Variants in ARHGAP30 observed in about 807,000 individuals in gnomAD.
ARHGAP30 encodes the protein Rho GTPase activating protein 30.
A neutral mutation model predicts 72.0 loss-of-function variants in ARHGAP30; 23 were observed. That is an observed-to-expected ratio of 0.32 (90% confidence interval 0.23 to 0.45). ARHGAP30 has a LOEUF of 0.45. Ranked by LOEUF, ARHGAP30 falls within the 20% of genes least tolerant of loss-of-function variation. ARHGAP30 has a pLI of 1.00. For synonymous variants in ARHGAP30, 576 were observed against 528.2 expected (o/e 1.09, Z -1.24); for missense variants, 1,319 against 1,383.4 (o/e 0.95, Z 0.74).
rs1168418861 is a variant in ARHGAP30 at position 161,064,759 on chromosome 1, G to GAGAA, written c.97+4765_97+4768dup. ...GCAACAGAGTAAGACAAGAAAGAAA[G>GAGAA]AGAAAGAAAGAAAGAAAGAAAAAGA... On this transcript the variant is annotated intron_variant, in intron 1 of 11. Coordinates refer to ENST00000368013, the MANE Select transcript of ARHGAP30 (RefSeq NM_001025598.2). Among the ~76,000 whole-genome samples the GAGAA allele has an allele frequency of 1.2e-4, 14 of 118,390 alleles. No individual in the cohort carries two copies. The South Asian group carries it at 1.3e-3, about 11-fold the overall frequency. 77.7% of individuals were successfully genotyped at this position (118,390 alleles called of 152,430 possible).
In ARHGAP30 at chr1:161,047,896, T is replaced by C. The variant is rs1650984550; in HGVS notation, c.3125A>G (p.His1042Arg). Residue 1042 changes from histidine (H) to arginine (R), a missense_variant, in exon 12 of 12, where the codon CAT (histidine) becomes CGT (arginine). His to Arg is a conservative substitution (Grantham distance 29, BLOSUM62 0). Around this residue, in one of 2 missense-constraint regions of ARHGAP30, gnomAD observed 1,097 missense variants for 1,045.2 expected, o/e 1.05. Transcript: ENST00000368013. ...CAGGCAGCTAAGGGGCCGAGGAGAA[T>C]GGGCAGAGATCATGCTACAAGGGGA... ...RTSPCSMISAHSPRPLSCLEL... is the reference protein window; with the variant it reads ...RTSPCSMISARSPRPLSCLEL... 3 of 1,611,928 alleles carry C rather than the reference T, an allele frequency of 1.9e-6. No homozygotes were observed. The highest frequency in any genetic ancestry group is 1.3e-5 in the African/African-American group (1 of 74,888).
At chr1:161,059,761 G>T in intron 1 of ARHGAP30, 45 bp from the exon 2 acceptor site, 3 of 1,549,566 alleles carry the variant, frequency 1.9e-6, no homozygotes, top group Non-Finnish European at 2.6e-6. Flanking sequence ...AGAGGATCTG[G>T]GTGGTCAAAG....
chr1:161,060,681 G>T (rs1652247488), intron 1 of ARHGAP30, among the ~76,000 whole-genome samples: 1 of 150,384 alleles, frequency 6.6e-6, no homozygotes, highest in Non-Finnish European at 1.5e-5. Flanking sequence ...GTTGGTAGGG[G>T]AGGCAGAGTC....
rs1268571289 is a variant in ARHGAP30 at position 161,069,070 on chromosome 1, A to G, written c.97+458T>C. Among the ~76,000 whole-genome samples the G allele has an allele frequency of 6.6e-6, 1 of 152,068 alleles. No individual in the cohort carries two copies. Among genetic ancestry groups the G allele is most frequent in the Non-Finnish European group, 1.5e-5 (1 of 68,002 alleles). ...GTCCTTGGGTGTTCTCCAGCCAGGA[A>G]ACCACCCGCCTCAAGGGCCATCTTG... On this transcript the variant is annotated intron_variant, in intron 1 of 11. Coordinates refer to ENST00000368013, the MANE Select transcript of ARHGAP30 (RefSeq NM_001025598.2). The surrounding 1 kb of genome is among the most constrained non-coding windows in gnomAD (Gnocchi z 4.9).
intron 1 of ARHGAP30, among the ~76,000 whole-genome samples, chr1:161,065,862 C>T (rs1188028088): frequency 2.0e-5 from 3 of 148,028 alleles, no homozygotes; most frequent in South Asian, 2.2e-4. Flanking sequence ...CCACTGCACC[C>T]GGCCCCTTAT....
chr1:161,069,387 C>T lies in ARHGAP30; in HGVS notation c.97+141G>A. ...CCACATTTCCTGTCTTGCCCACTTACAGTTCTCTTGAATGGTGACCCCAGG... is the reference window on the plus strand; with the variant it reads ...CCACATTTCCTGTCTTGCCCACTTATAGTTCTCTTGAATGGTGACCCCAGG... On this transcript the variant is annotated intron_variant, in intron 1 of 11. Coordinates refer to ENST00000368013, the MANE Select transcript of ARHGAP30 (RefSeq NM_001025598.2). The surrounding 1 kb of genome is among the most constrained non-coding windows in gnomAD (Gnocchi z 4.9). 1.3e-6 allele frequency: 1 copy of T among 777,022 alleles called. No homozygotes were observed. The highest frequency in any genetic ancestry group is 2.1e-6 in the Non-Finnish European group (1 of 484,834). 48.1% of individuals were successfully genotyped at this position (777,022 alleles called of 1,614,324 possible). A position where few individuals can be genotyped will look rare whatever the true frequency, so the allele number is the denominator to read the frequency against.
intron 1 of ARHGAP30, among the ~76,000 whole-genome samples, chr1:161,064,193 T>C (rs1003364997): frequency 2.5e-4 from 38 of 152,348 alleles, no homozygotes; most frequent in African/African-American, 9.1e-4. Context: ...ATCCTACCAA[T>C]GTGTGATGTC....
Position 161,060,391 on chromosome 1 carries a change from T to A in ARHGAP30, c.98-675A>T, listed in dbSNP as rs112311686. ...TGGGTGAATTGCCTGAGGTCAGGAGTTTGAGACCAGCCTGACCAACATGGT... is the reference window on the plus strand; with the variant it reads ...TGGGTGAATTGCCTGAGGTCAGGAGATTGAGACCAGCCTGACCAACATGGT... On this transcript the variant is annotated intron_variant, in intron 1 of 11. Coordinates refer to ENST00000368013, the MANE Select transcript of ARHGAP30 (RefSeq NM_001025598.2). 1,536 of 277,892 alleles carry A rather than the reference T, an allele frequency of 5.5e-3. 7 individuals carry two copies. The highest frequency in any genetic ancestry group is 8.6e-3 in the Middle Eastern group (6 of 694). The allele number at this position is 277,892 out of a possible 1,614,324, so 17.2% of individuals were successfully genotyped here.
At chr1:161,057,812 C>G (rs1413445321) in intron 2 of ARHGAP30, among the ~76,000 whole-genome samples, 1 of 151,994 alleles carries the variant, frequency 6.6e-6, no homozygotes, top group Non-Finnish European at 1.5e-5. Context: ...GTCTGGAGTT[C>G]GAGACCAGCC....
In ARHGAP30 at chr1:161,049,506, T is replaced by G. The variant is rs1344834731; in HGVS notation, c.1604A>C (p.Glu535Ala). 3 of 1,613,986 alleles carry G rather than the reference T, an allele frequency of 1.9e-6. No individual in the cohort carries two copies. Among genetic ancestry groups the G allele is most frequent in the South Asian group, 1.1e-5 (1 of 91,082 alleles). Residue 535 changes from glutamate to alanine, a missense_variant, in exon 11 of 12, where the codon GAA (glutamate) becomes GCA (alanine). Glu to Ala is a moderately radical substitution (Grantham distance 107). This residue lies in a region of ARHGAP30 where 1,097 missense variants were observed against 1,045.2 expected (regional missense o/e 1.05). Transcript: ENST00000368013. ...GAEDGEVAQAEAAGAAFSPGE... is the reference protein window; with the variant it reads ...GAEDGEVAQAAAAGAAFSPGE... ...AGGGGAGAAGGCTGCTCCTGCTGCT[T>G]CTGCCTGGGCCACCTCCCCATCCTC...
In ARHGAP30 at chr1:161,069,457, C is replaced by A; in HGVS notation, c.97+71G>T. The A allele has an allele frequency of 6.6e-7, 1 of 1,510,162 alleles. No individual in the cohort carries two copies. Among genetic ancestry groups the A allele is most frequent in the Non-Finnish European group, 9.1e-7 (1 of 1,099,100 alleles). The allele number at this position is 1,510,162 out of a possible 1,614,324, so 93.5% of individuals were successfully genotyped here. A position where few individuals can be genotyped will look rare whatever the true frequency, so the allele number is the denominator to read the frequency against. On this transcript the variant is annotated intron_variant, in intron 1 of 11. Coordinates refer to ENST00000368013, the MANE Select transcript of ARHGAP30 (RefSeq NM_001025598.2). The surrounding 1 kb of genome is among the most constrained non-coding windows in gnomAD (Gnocchi z 4.9). ...AGCACCGGAAACTGCTTCTGCCCTT[C>A]AGGCTGGATCGGGCTGCAGATGCCC...
At chr1:161,064,839 AAGAAAGAAAGGAAAGGAAGGAG>A (rs1557935515) in intron 1 of ARHGAP30, among the ~76,000 whole-genome samples, 2 of 118,760 alleles carry the variant, frequency 1.7e-5, no homozygotes, top group African/African-American at 7.4e-5. Context: ...AAGAGAAAGA[AAGAAAGAAAGGAAAGGAAGGAG>A]AGGAAGGAGA....
chr1:161,054,269 T>G, intron 5 of ARHGAP30, 97 bp downstream of exon 5: 1 of 1,132,994 alleles, frequency 8.8e-7, no homozygotes, highest in Non-Finnish European at 1.3e-6. Flanking sequence ...TACACCCTTC[T>G]CCAGTGTACC....
At chr1:161,064,835 A>AAGAGAAAG (rs1200379348) in intron 1 of ARHGAP30, among the ~76,000 whole-genome samples, 1 of 73,058 alleles carries the variant, frequency 1.4e-5, no homozygotes, top group East Asian at 4.6e-4. Context: ...AAGAAAGAGA[A>AAGAGAAAG]AGAAAGAAAG....
chr1:161,060,152 A>C (rs914375088), intron 1 of ARHGAP30: 1 of 420,808 alleles, frequency 2.4e-6, no homozygotes, highest in Non-Finnish European at 4.7e-6. Flanking sequence ...GTGGTGGTAC[A>C]TGCCTGTAGT....
intron 10 of ARHGAP30, 21 bp downstream of exon 10, chr1:161,051,293 G>C (rs200749785): frequency 2.8e-5 from 44 of 1,554,942 alleles, no homozygotes; most frequent in Non-Finnish European, 5.2e-6. Flanking sequence ...TCCTAGTCTT[G>C]GTCAATCAAT....
In ARHGAP30 at chr1:161,069,303, C is replaced by T. The variant is rs1557939265; in HGVS notation, c.97+225G>A. ...ACCTGGGTACTCACATTCTCATCCCCTCAGCCACCCCATCCCCAGAAAGTT... is the reference window on the plus strand; with the variant it reads ...ACCTGGGTACTCACATTCTCATCCCTTCAGCCACCCCATCCCCAGAAAGTT... On this transcript the variant is annotated intron_variant, in intron 1 of 11. Coordinates refer to ENST00000368013, the MANE Select transcript of ARHGAP30 (RefSeq NM_001025598.2). This position sits in a 1 kb window ranked among gnomAD's most constrained non-coding sequence, Gnocchi z 4.9. Among the ~76,000 whole-genome samples, 1 of 152,092 alleles carries T rather than the reference C, an allele frequency of 6.6e-6. No homozygotes were observed. The highest frequency in any genetic ancestry group is 1.5e-5 in the Non-Finnish European group (1 of 68,018).
intron 9 of ARHGAP30, 52 bp from the exon 10 acceptor site, chr1:161,051,767 C>G: frequency 6.7e-7 from 1 of 1,496,862 alleles, no homozygotes; most frequent in African/African-American, 1.4e-5. Flanking sequence ...TCCAAGGGGC[C>G]TAGACATCTC....
intron 1 of ARHGAP30, among the ~76,000 whole-genome samples, chr1:161,064,849 G>GAGAAA (rs1329193300): frequency 1.6e-4 from 13 of 79,916 alleles, no homozygotes; most frequent in Admixed American, 2.8e-4. Flanking sequence ...AAGAAAGAAA[G>GAGAAA]GAAAGGAAGG....
Sources: allele counts gnomAD v4.1 joint callset (sites outside exome capture counted in the v4.1 genomes callset), GRCh38; gene constraint gnomAD v4.1.1; regional missense constraint gnomAD v4.1.1; non-coding constraint Gnocchi (gnomAD v3.1); transcripts MANE v1.5; gene names NCBI Gene and HGNC (gene_info 2026-07-23, HGNC 2026-07-21).